The following PSIP1 variants were observed in gnomAD, a reference collection of about 807,000 sequenced individuals.
PSIP1 encodes PC4 and SFRS1-interacting protein.
Under a neutral mutation model 74.7 loss-of-function variants are expected in PSIP1, and 19 were observed. The ratio of observed to expected loss-of-function variants is 0.25; its 90% CI spans 0.18 to 0.37. The LOEUF (loss-of-function observed/expected upper bound fraction) is 0.37. PSIP1 is among the 10% of genes least tolerant of loss of function. The probability of loss-of-function intolerance (pLI) is 1.00; values close to 1 mark genes in which losing one functional copy is unlikely to be tolerated. For missense variants in PSIP1, 601 were observed against 614.3 expected (o/e 0.98, Z 0.23); for synonymous variants, 222 against 195.3 (o/e 1.14, Z -1.14).
chr9:15,469,074 G>GT lies in PSIP1; in HGVS notation c.1105-17dup, dbSNP rs749544771. The stretch of plus-strand genomic sequence containing the variant: ...TGTTCACATCCTTCATGACAAAACA[G>GT]TAATTTCATAGCTGTTAATTATCTT... On this transcript the variant is annotated splice_polypyrimidine_tract_variant and intron_variant, in intron 12 of 15. Coordinates refer to ENST00000380733, the MANE Select transcript of PSIP1 (RefSeq NM_033222.5). 6 of 1,600,846 alleles carry GT rather than the reference G, an allele frequency of 3.7e-6. No individual in the cohort carries two copies. In the African/African-American group the frequency reaches 8.1e-5, roughly 22 times the overall value.
intron 3 of PSIP1, among the ~76,000 whole-genome samples, chr9:15,501,214 G>A (rs2037328310): frequency 6.6e-6 from 1 of 151,916 alleles, no homozygotes. Context: ...CTACATAAAC[G>A]TTGGCTAATG....
Position 15,464,673 on chromosome 9 carries a change from ATT to A in PSIP1, c.*845_*846del, listed in dbSNP as rs902938480. 1 of 198,082 alleles carries A rather than the reference ATT, an allele frequency of 5.0e-6. No homozygotes were observed. Among genetic ancestry groups the A allele is most frequent in the Non-Finnish European group, 1.0e-5 (1 of 95,872 alleles). The allele number at this position is 198,082 out of a possible 1,614,324, so 12.3% of individuals were successfully genotyped here. Reference sequence around the variant, plus strand: ...TAAGTTTTAGTGACTTCCTAAAGACATTTTTAACAACATTCCTCAAAAATAAA... The same window carrying A: ...TAAGTTTTAGTGACTTCCTAAAGACATTTAACAACATTCCTCAAAAATAAA... On this transcript the variant is annotated 3_prime_UTR_variant, in exon 16 of 16. Coordinates refer to ENST00000380733, the MANE Select transcript of PSIP1 (RefSeq NM_033222.5).
chr9:15,508,265 A>C (rs756292392), intron 2 of PSIP1, among the ~76,000 whole-genome samples: 30 of 152,242 alleles, frequency 2.0e-4, no homozygotes, highest in Non-Finnish European at 3.4e-4. Flanking sequence ...TAAACTCTAC[A>C]GCAAAGATTT....
intron 10 of PSIP1, chr9:15,471,932 A>G (rs1218098311): frequency 1.0e-6 from 1 of 975,776 alleles, no homozygotes; most frequent in Admixed American, 6.2e-5. Flanking sequence ...ATGTCAGAGA[A>G]AGAACTCAGA....
At chr9:15,505,970 A>C (rs2037568192) in intron 3 of PSIP1, 1 of 152,258 alleles carries the variant, frequency 6.6e-6, no homozygotes. Flanking sequence ...TTATAGGTAC[A>C]TAGGAACATT....
chr9:15,501,043 T>C lies in PSIP1; in HGVS notation c.149+5518A>G, dbSNP rs920028408. On this transcript the variant is annotated intron_variant, in intron 3 of 15. Transcript: ENST00000380733. ...CAAGCATTGTTCTAAGCATTATTCA[T>C]GTCATGTCTTATTTGCATCCCAAGA... is the stretch of plus-strand genomic sequence containing the variant. Among the ~76,000 whole-genome samples the C allele has an allele frequency of 3.4e-4, 52 of 152,332 alleles. 1 individual carries two copies. Among genetic ancestry groups the C allele is most frequent in the Admixed American group, 1.8e-3 (27 of 15,300 alleles).
At chr9:15,508,147 T>G (rs1280222531) in intron 2 of PSIP1, among the ~76,000 whole-genome samples, 1 of 152,210 alleles carries the variant, frequency 6.6e-6, no homozygotes, top group African/African-American at 2.4e-5. Flanking sequence ...TACATGAATG[T>G]TTAAGACTTA....
In PSIP1 at chr9:15,466,843, A is replaced by C. The variant is rs1317213798; in HGVS notation, c.1437T>G (p.Asn479Lys). ...TACCATCTTGAGCATCAGATCCTCC[A>C]TTTAGAGTCTTTGACCCTTGCGAAG... ...EKEQTGSKTLNGGSDAQDGNQ... is the reference protein window; with the variant it reads ...EKEQTGSKTLKGGSDAQDGNQ... Residue 479 changes from asparagine to lysine, a missense_variant, in exon 15 of 16, where the codon AAT becomes AAG. By Grantham distance (94) the Asn-to-Lys change is moderately conservative. Around this residue, in one of 2 missense-constraint regions of PSIP1, gnomAD observed 538 missense variants for 507.6 expected, o/e 1.06. Coordinates refer to ENST00000380733, the MANE Select transcript of PSIP1 (RefSeq NM_033222.5). 1 of 1,612,798 alleles carries C rather than the reference A, an allele frequency of 6.2e-7. No individual in the cohort carries two copies. Among genetic ancestry groups the C allele is most frequent in the Non-Finnish European group, 8.5e-7 (1 of 1,179,550 alleles).
chr9:15,477,321 CACAT>C (rs1318489728), intron 8 of PSIP1, among the ~76,000 whole-genome samples: 1 of 152,110 alleles, frequency 6.6e-6, no homozygotes, highest in Non-Finnish European at 1.5e-5. Flanking sequence ...CATACCACCT[CACAT>C]ACATATTTTT....
At chr9:15,466,694 T>A (rs189439967) in intron 15 of PSIP1, 54 bp downstream of exon 15, 26,782 of 1,409,920 alleles carry the variant, frequency 0.019, 317 homozygotes, top group Non-Finnish European at 0.022. Flanking sequence ...AGAACTGTGA[T>A]TAAAAACCTG....
At chr9:15,490,682 C>CAAAAA (rs869054621) in intron 3 of PSIP1, among the ~76,000 whole-genome samples, 3 of 57,308 alleles carry the variant, frequency 5.2e-5, no homozygotes, top group African/African-American at 5.9e-5. Context: ...GACTCTGTCT[C>CAAAAA]AAAAAAAAAA....
rs1483603515 is a variant in PSIP1 at position 15,465,062 on chromosome 9, A to C, written c.*458T>G. 4.4e-6 allele frequency: 1 copy of C among 225,886 alleles called. No individual in the cohort carries two copies. The highest frequency in any genetic ancestry group is 2.2e-5 in the African/African-American group (1 of 45,046). 14.0% of individuals were successfully genotyped at this position (225,886 alleles called of 1,614,324 possible). A position where few individuals can be genotyped will look rare whatever the true frequency, so the allele number is the denominator to read the frequency against. ...GTATAGAAGTAACATTTTATCTACC[A>C]TAAAAATGTGTAACTTCTACAAAAC... On this transcript the variant is annotated 3_prime_UTR_variant, in exon 16 of 16. Transcript: ENST00000380733.
In PSIP1 at chr9:15,465,309, C is replaced by A; in HGVS notation, c.*211G>T. 1 of 459,226 alleles carries A rather than the reference C, an allele frequency of 2.2e-6. No individual in the cohort carries two copies. The highest frequency in any genetic ancestry group is 3.8e-6 in the Non-Finnish European group (1 of 264,272). The allele number at this position is 459,226 out of a possible 1,614,324, so 28.4% of individuals were successfully genotyped here. On this transcript the variant is annotated 3_prime_UTR_variant, in exon 16 of 16. Transcript: ENST00000380733. ...TAACATTTTCTAAATGGATTTTATC[C>A]CACATTTACTGTATAATGTAGCTGT...
At chr9:15,471,739 CT>C in intron 10 of PSIP1, 1 of 963,634 alleles carries the variant, frequency 1.0e-6, no homozygotes, top group Non-Finnish European at 1.2e-6. Flanking sequence ...TCAAGAAAGA[CT>C]TTGGCTTACG....
chr9:15,507,548 G>A (rs570593768), intron 2 of PSIP1, among the ~76,000 whole-genome samples: 3 of 151,958 alleles, frequency 2.0e-5, no homozygotes, highest in African/African-American at 7.2e-5. Flanking sequence ...CTCCAGAGGC[G>A]AATCACTTGA....
intron 4 of PSIP1, 41 bp downstream of exon 4, chr9:15,489,945 G>A (rs756040092): frequency 2.1e-6 from 3 of 1,427,818 alleles, no homozygotes; most frequent in Admixed American, 2.4e-5. Context: ...TATTCCCCAG[G>A]ATTAAATAAG....
At chr9:15,472,427 G>C in intron 10 of PSIP1, 1 of 1,362,462 alleles carries the variant, frequency 7.3e-7, no homozygotes. Flanking sequence ...TTCACAGAGT[G>C]ACTGCCTCAG....
At chr9:15,477,203 GCCAC>G (rs60943758) in intron 8 of PSIP1, among the ~76,000 whole-genome samples, 2,166 of 152,122 alleles carry the variant, frequency 0.014, 35 homozygotes, top group African/African-American at 0.05. Flanking sequence ...GTATTTTTCT[GCCAC>G]TATTTTTAAA....
chr9:15,497,325 C>CTTTTTTTTTTTTTTTCTTTTTTTTTTTT (rs2037125041), intron 3 of PSIP1, among the ~76,000 whole-genome samples: 1 of 118,594 alleles, frequency 8.4e-6, no homozygotes, highest in African/African-American at 4.0e-5. Context: ...TCTATGATTC[C>CTTTTTTTTTTTTTTTCTTTTTTTTTTTT]TTTTTTTTTT....
Sources: allele counts gnomAD v4.1 joint callset (sites outside exome capture counted in the v4.1 genomes callset), GRCh38; gene constraint gnomAD v4.1.1; regional missense constraint gnomAD v4.1.1; transcripts MANE v1.5; gene names NCBI Gene and HGNC (gene_info 2026-07-23, HGNC 2026-07-21).